The following ZNF91 variants were observed in gnomAD, a reference collection of about 807,000 sequenced individuals.
ZNF91 encodes the protein zinc finger protein 91.
Under a neutral mutation model 12.6 loss-of-function variants are expected in ZNF91, and 7 were observed. The observed-to-expected ratio is 0.55, with a 90% CI of 0.31 to 1.04. The LOEUF is 1.04. Ranked by LOEUF, ZNF91 falls within the 50% of genes least tolerant of loss-of-function variation. The probability of loss-of-function intolerance (pLI) is 0.05; values close to 1 mark genes in which losing one functional copy is unlikely to be tolerated. For missense variants in ZNF91, 1,217 were observed against 1,385.4 expected (o/e 0.88, Z 1.93); for synonymous variants, 453 against 462.6 (o/e 0.98, Z 0.27).
intron 3 of ZNF91, among the ~76,000 whole-genome samples, chr19:23,350,818 G>T (rs1279500289): frequency 6.6e-6 from 1 of 152,076 alleles, no homozygotes; most frequent in African/African-American, 2.4e-5. Context: ...GTCAGACTGG[G>T]ACACTTCCTT....
At chr19:23,376,510 C>T (rs1366246007) in intron 1 of ZNF91, among the ~76,000 whole-genome samples, 3 of 152,140 alleles carry the variant, frequency 2.0e-5, no homozygotes, top group Non-Finnish European at 4.4e-5. Flanking sequence ...CTGCCTCAGC[C>T]TGCCGAGTAG....
At chr19:23,330,389 T>C (rs1236650265) in intron 1 of ZNF91, among the ~76,000 whole-genome samples, 1 of 152,040 alleles carries the variant, frequency 6.6e-6, no homozygotes, top group Non-Finnish European at 1.5e-5. Flanking sequence ...GAAAGTCTTA[T>C]TGGGATGCTC....
intron 1 of ZNF91, among the ~76,000 whole-genome samples, chr19:23,381,453 T>C (rs1969711019): frequency 6.7e-6 from 1 of 148,192 alleles, no homozygotes; most frequent in African/African-American, 2.4e-5. Flanking sequence ...GAACTCTTTT[T>C]TTCTTTCTCT....
chr19:23,332,956 T>G (rs534926640), intron 1 of ZNF91, among the ~76,000 whole-genome samples: 1 of 152,326 alleles, frequency 6.6e-6, no homozygotes, highest in African/African-American at 2.4e-5. Flanking sequence ...TACCATGTTC[T>G]CATTGCAAAG....
intron 1 of ZNF91, among the ~76,000 whole-genome samples, chr19:23,376,453 G>T (rs55807376): frequency 1.3e-5 from 2 of 150,838 alleles, no homozygotes; most frequent in Non-Finnish European, 2.9e-5. Flanking sequence ...GGAATGGCAC[G>T]ATCTCGGCTC....
intron 1 of ZNF91, among the ~76,000 whole-genome samples, chr19:23,375,494 G>C (rs555760769): frequency 1.3e-5 from 2 of 152,208 alleles, no homozygotes; most frequent in South Asian, 4.1e-4. Flanking sequence ...TGATAAACTA[G>C]ACATCTTGTT....
chr19:23,344,462 G>C (rs980481524), intron 3 of ZNF91, among the ~76,000 whole-genome samples: 1 of 152,162 alleles, frequency 6.6e-6, no homozygotes, highest in African/African-American at 2.4e-5. Flanking sequence ...AGCCACATAT[G>C]ATGCCCATGT....
chr19:23,311,623 C>T (rs1967473356), upstream of ZNF91, among the ~76,000 whole-genome samples: 1 of 152,138 alleles, frequency 6.6e-6, no homozygotes, highest in Non-Finnish European at 1.5e-5. Flanking sequence ...AGGCCTGTGA[C>T]ATATCTCTAC....
intron 1 of ZNF91, chr19:23,328,616 AC>A (rs893334931): frequency 2.6e-5 from 4 of 152,208 alleles, no homozygotes; most frequent in Non-Finnish European, 5.9e-5. Context: ...CATGCTAAGG[AC>A]TATTTTTACC....
intron 3 of ZNF91, among the ~76,000 whole-genome samples, chr19:23,305,546 A>G (rs1257530208): frequency 3.3e-5 from 5 of 152,230 alleles, no homozygotes; most frequent in Non-Finnish European, 7.3e-5. Context: ...ATTAACTCAA[A>G]TCAGGTCATT....
intron 3 of ZNF91, among the ~76,000 whole-genome samples, chr19:23,351,048 G>A (rs112932323): frequency 1.5e-4 from 23 of 152,270 alleles, no homozygotes; most frequent in African/African-American, 5.1e-4. Flanking sequence ...CTTTCATGCC[G>A]GGCACGGTGG....
At chr19:23,350,192 G>A (rs370016190) in intron 3 of ZNF91, among the ~76,000 whole-genome samples, 1 of 152,154 alleles carries the variant, frequency 6.6e-6, no homozygotes, top group African/African-American at 2.4e-5. Context: ...TAACATAGAC[G>A]ATAACAGAAA....
upstream of ZNF91, among the ~76,000 whole-genome samples, chr19:23,314,601 A>T (rs1599679940): frequency 6.6e-6 from 1 of 151,992 alleles, no homozygotes; most frequent in African/African-American, 2.4e-5. Flanking sequence ...CTGCTCACTG[A>T]GGTTGTAACT....
chr19:23,372,543 A>G (rs1474199935), intron 3 of ZNF91, among the ~76,000 whole-genome samples: 1 of 152,082 alleles, frequency 6.6e-6, no homozygotes, highest in Non-Finnish European at 1.5e-5. Context: ...GCAGCAAACT[A>G]CAGGACTACT....
chr19:23,374,247 A>C (rs1399796744), intron 2 of ZNF91, among the ~76,000 whole-genome samples: 2 of 152,104 alleles, frequency 1.3e-5, no homozygotes, highest in African/African-American at 4.8e-5. Flanking sequence ...TGAAAGCATA[A>C]ATTTCCAGAA....
chr19:23,384,853 C>T, intron 1 of ZNF91: 1 of 732,610 alleles, frequency 1.4e-6, no homozygotes, highest in Admixed American at 1.8e-5. Flanking sequence ...TACCATCTCC[C>T]TCACGATCAC....
rs1445320968 is a variant in ZNF91 at position 23,362,549 on chromosome 19, G to C, written c.430C>G (p.Gln144Glu). 1 of 1,600,312 alleles carries C rather than the reference G, an allele frequency of 6.2e-7. No individual in the cohort carries two copies. Among genetic ancestry groups the C allele is most frequent in the Non-Finnish European group, 8.5e-7 (1 of 1,174,954 alleles). Residue 144 changes from glutamine to glutamate, a missense_variant, in exon 4 of 4, where the codon CAG becomes GAG. Transcript: ENST00000300619. ...TTGCTCTGGGCAGTTGTGAGACACT[G>C]GTTAAGTTTATTATAACCTTCTTTG... ...VHKEGYNKLN[Q>E]CLTTAQSKVF...
chr19:23,328,918 G>A (rs1429487573), intron 1 of ZNF91: 4 of 152,120 alleles, frequency 2.6e-5, no homozygotes, highest in African/African-American at 9.7e-5. Flanking sequence ...TATATGAACA[G>A]GGCATGTTCC....
chr19:23,305,505 T>C (rs1967385078), intron 3 of ZNF91, among the ~76,000 whole-genome samples: 1 of 152,214 alleles, frequency 6.6e-6, no homozygotes, highest in Non-Finnish European at 1.5e-5. Context: ...AATCAGCCAA[T>C]TAGGTCAGCA....
Sources: allele counts gnomAD v4.1 joint callset (sites outside exome capture counted in the v4.1 genomes callset), GRCh38; gene constraint gnomAD v4.1.1; transcripts MANE v1.5; gene names NCBI Gene and HGNC (gene_info 2026-07-23, HGNC 2026-07-21).